Variants in ENOX1 observed in about 807,000 individuals in gnomAD.
The protein encoded by ENOX1 is ecto-NOX disulfide-thiol exchanger 1.
In ENOX1, 42 loss-of-function variants were observed where a neutral mutation model predicts 82.5. The observed-to-expected ratio is 0.51, with a 90% CI of 0.40 to 0.66. The LOEUF (loss-of-function observed/expected upper bound fraction) is 0.66, where lower values mean the gene tolerates loss of function less well. Ranked by LOEUF, ENOX1 falls within the 30% of genes least tolerant of loss-of-function variation. The pLI is 0.00. For synonymous variants in ENOX1, 271 were observed against 282.2 expected (o/e 0.96, Z 0.40); for missense variants, 608 against 811.6 (o/e 0.75, Z 3.05).
chr13:43,325,670 C>T (rs2048069914), intron 10 of ENOX1, among the ~76,000 whole-genome samples: 1 of 152,052 alleles, frequency 6.6e-6, no homozygotes, highest in African/African-American at 2.4e-5. Flanking sequence ...GATGGAGAGG[C>T]ATCCAAATGA....
rs78345301 is a variant in ENOX1, at chr13:43,216,705, C to T, written c.1801-2584G>A. ...ACACACAGGCCGAGGTGCCTGCCAG[C>T]CCACCAGCACCTTGTTTACAGTGTA... On this transcript the variant is annotated intron_variant, in intron 16 of 16. Coordinates refer to ENST00000690772, the MANE Select transcript of ENOX1 (RefSeq NM_001347969.2). 1.5e-3 allele frequency among the ~76,000 whole-genome samples: 224 copies of T among 152,302 alleles called. 1 individual carries two copies. In the East Asian group the frequency reaches 0.021, roughly 15 times the overall value.
intron 1 of ENOX1, among the ~76,000 whole-genome samples, chr13:43,705,567 A>G (rs1279864451): frequency 6.6e-6 from 1 of 152,118 alleles, no homozygotes; most frequent in Non-Finnish European, 1.5e-5. Flanking sequence ...AAGCCAATGT[A>G]TATTACCAGA....
chr13:43,386,853 GACA>G (rs1267210670), intron 5 of ENOX1, among the ~76,000 whole-genome samples: 1 of 152,062 alleles, frequency 6.6e-6, no homozygotes, highest in Non-Finnish European at 1.5e-5. Context: ...GCCAACTTTT[GACA>G]ACAAGCTTTC....
chr13:43,700,174 G>A lies in ENOX1; in HGVS notation c.-284-32630C>T, dbSNP rs549916566. Among the ~76,000 whole-genome samples, 16 of 152,098 alleles carry A rather than the reference G, an allele frequency of 1.1e-4. No individual in the cohort carries two copies. In the East Asian group the frequency reaches 2.3e-3, roughly 22 times the overall value. ...AACGAGTTTGAGTTTCATAAGAATT[G>A]GGTTTTTAAACCAAGAAGCAAGACA... On this transcript the variant is annotated intron_variant, in intron 1 of 16. Coordinates refer to ENST00000690772, the MANE Select transcript of ENOX1 (RefSeq NM_001347969.2).
At chr13:43,700,302 T>A (rs2086845814) in intron 1 of ENOX1, among the ~76,000 whole-genome samples, 1 of 152,130 alleles carries the variant, frequency 6.6e-6, no homozygotes, top group Admixed American at 6.5e-5. Context: ...CATTATTTAG[T>A]GGGATATTTT....
At chr13:43,671,721 G>A (rs2085276881) in intron 1 of ENOX1, among the ~76,000 whole-genome samples, 1 of 152,084 alleles carries the variant, frequency 6.6e-6, no homozygotes, top group South Asian at 2.1e-4. Flanking sequence ...CTATTTTGTG[G>A]AAGGGGAAGA....
intron 8 of ENOX1, among the ~76,000 whole-genome samples, chr13:43,348,260 C>T (rs1246564156): frequency 1.3e-5 from 2 of 152,250 alleles, no homozygotes; most frequent in East Asian, 3.8e-4. Context: ...GCATATCCTG[C>T]TATTAAAGCA....
At chr13:43,611,403 G>T (rs2082195563) in intron 2 of ENOX1, among the ~76,000 whole-genome samples, 1 of 152,180 alleles carries the variant, frequency 6.6e-6, no homozygotes, top group Non-Finnish European at 1.5e-5. Flanking sequence ...ATTTGGTTCA[G>T]CCCTGTCTGG....
intron 5 of ENOX1, among the ~76,000 whole-genome samples, chr13:43,383,384 AC>A (rs1490038512): frequency 6.6e-6 from 1 of 152,200 alleles, no homozygotes; most frequent in East Asian, 1.9e-4. Context: ...AGGCAAGCAA[AC>A]CTTCAGCTGT....
At position 43,356,135 on chromosome 13, in the gene ENOX1, C is replaced by T; in HGVS notation, c.607G>A (p.Gly203Arg). 6.2e-7 allele frequency: 1 copy of T among 1,614,034 alleles called. No individual in the cohort carries two copies. The highest frequency in any genetic ancestry group is 8.5e-7 in the Non-Finnish European group (1 of 1,179,982). ...GAATCCTTTTTGTCGGTGCTAGACC[C>T]TAATCGCATCCTATAACCTGAAACC... ...IYLSGYRMRL[G>R]SSTDKKDSGR... Residue 203 changes from glycine (G) to arginine (R), a missense_variant, in exon 8 of 17, where the codon GGG becomes AGG. By Grantham distance (125) the Gly-to-Arg change is moderately radical (BLOSUM62 -2). Coordinates refer to ENST00000690772, the MANE Select transcript of ENOX1 (RefSeq NM_001347969.2).
In ENOX1 at chr13:43,394,040, C is replaced by G. The variant is rs1206357670; in HGVS notation, c.208+17876G>C. Among the ~76,000 whole-genome samples the G allele has an allele frequency of 5.3e-5, 8 of 152,186 alleles. No homozygotes were observed. In the South Asian group the frequency reaches 1.7e-3, roughly 32 times the overall value. On this transcript the variant is annotated intron_variant, in intron 5 of 16. Coordinates refer to ENST00000690772, the MANE Select transcript of ENOX1 (RefSeq NM_001347969.2). ...TACTGCTTTCTACCATGATTGTAAGCTTCCTGAGACCTCATCACAAGCCTA... is the reference window on the plus strand; with the variant it reads ...TACTGCTTTCTACCATGATTGTAAGGTTCCTGAGACCTCATCACAAGCCTA...
chr13:43,370,932 C>T (rs1356145026), intron 5 of ENOX1, among the ~76,000 whole-genome samples: 4 of 151,952 alleles, frequency 2.6e-5, no homozygotes, highest in South Asian at 4.2e-4. Flanking sequence ...TTCCTCCCTC[C>T]GCCTCCTCCC....
chr13:43,615,092 A>G (rs1415130057), intron 2 of ENOX1, among the ~76,000 whole-genome samples: 1 of 152,228 alleles, frequency 6.6e-6, no homozygotes, highest in Non-Finnish European at 1.5e-5. Context: ...GAAAACAAAT[A>G]ACATTCATTA....
chr13:43,658,866 A>C (rs1438230475), intron 2 of ENOX1, among the ~76,000 whole-genome samples: 1 of 152,058 alleles, frequency 6.6e-6, no homozygotes, highest in East Asian at 1.9e-4. Flanking sequence ...ACCACATTCT[A>C]GTGTTGTAAA....
intron 2 of ENOX1, among the ~76,000 whole-genome samples, chr13:43,506,146 T>A (rs867790740): frequency 6.6e-6 from 1 of 152,172 alleles, no homozygotes; most frequent in Middle Eastern, 3.4e-3. Flanking sequence ...GCTGTTTTGG[T>A]TACTGTAGTC....
chr13:43,754,093 T>TATAAATACACATATATATAC (rs1950492257), intron 1 of ENOX1, among the ~76,000 whole-genome samples: 2 of 143,160 alleles, frequency 1.4e-5, no homozygotes, highest in African/African-American at 5.1e-5. Flanking sequence ...TATATACGTA[T>TATAAATACACATATATATAC]ATATGTATAC....
At chr13:43,769,671 C>A (rs1951477837) in intron 1 of ENOX1, among the ~76,000 whole-genome samples, 3 of 152,212 alleles carry the variant, frequency 2.0e-5, no homozygotes, top group East Asian at 1.9e-4. Flanking sequence ...ACCCACCAAG[C>A]ACTAGGCTTA....
At chr13:43,594,342 A>C (rs553082691) in intron 2 of ENOX1, among the ~76,000 whole-genome samples, 12 of 152,356 alleles carry the variant, frequency 7.9e-5, no homozygotes, top group Admixed American at 2.6e-4. Context: ...GTCTGTACAC[A>C]TACATACAAT....
intron 1 of ENOX1, among the ~76,000 whole-genome samples, chr13:43,672,110 G>A (rs1056896928): frequency 1.3e-5 from 2 of 152,058 alleles, no homozygotes; most frequent in Non-Finnish European, 2.9e-5. Flanking sequence ...TAGAGAGAGC[G>A]AGCTTCCTGT....
Sources: gnomAD v4.1 joint callset for allele counts (sites outside exome capture counted in the v4.1 genomes callset) on GRCh38, gnomAD v4.1.1 for gene constraint, MANE v1.5 for transcripts, NCBI Gene and HGNC (gene_info 2026-07-23, HGNC 2026-07-21) for gene names.